Variants in ENTREP2 observed in about 807,000 individuals in gnomAD.
ENTREP2 encodes the protein protein ENTREP2.
chr15:29,269,355 C>A, the ENTREP2 span: 1 of 1,614,176 alleles, frequency 6.2e-7, no homozygotes. Context: ...CCTTGTAGTC[C>A]CCGATGACGT....
the ENTREP2 span, among the ~76,000 whole-genome samples, chr15:29,213,855 C>T: frequency 1.3e-5 from 2 of 152,132 alleles, no homozygotes; most frequent in Admixed American, 1.3e-4. Context: ...AAGAAAAAAA[C>T]AACCCTATCT....
the ENTREP2 span, among the ~76,000 whole-genome samples, chr15:29,615,130 C>T: frequency 6.6e-6 from 1 of 151,810 alleles, no homozygotes. Context: ...CTTCTCCCAC[C>T]ACTCCTCTTC....
the ENTREP2 span, among the ~76,000 whole-genome samples, chr15:29,447,420 T>C: frequency 4.4e-4 from 67 of 152,330 alleles, no homozygotes; most frequent in East Asian, 0.011. Flanking sequence ...TCCCAGCTCC[T>C]GTGTGTCTGA....
At chr15:29,249,140 C>A in the ENTREP2 span, among the ~76,000 whole-genome samples, 44 of 152,106 alleles carry the variant, frequency 2.9e-4, no homozygotes, top group Middle Eastern at 3.4e-3. Context: ...GAAACCTTGT[C>A]TCTACTACAG....
the ENTREP2 span, among the ~76,000 whole-genome samples, chr15:29,223,586 T>C: frequency 4.8e-4 from 73 of 152,170 alleles, no homozygotes; most frequent in African/African-American, 4.8e-5. Flanking sequence ...AAATGAGCTA[T>C]AAATCCGAGA....
the ENTREP2 span, among the ~76,000 whole-genome samples, chr15:29,322,521 A>G: frequency 6.6e-6 from 1 of 152,134 alleles, no homozygotes; most frequent in African/African-American, 2.4e-5. Context: ...CTAATTCACT[A>G]TGGCAAAGGG....
At chr15:29,542,699 T>A in the ENTREP2 span, among the ~76,000 whole-genome samples, 1 of 152,180 alleles carries the variant, frequency 6.6e-6, no homozygotes, top group Non-Finnish European at 1.5e-5. Flanking sequence ...GCTCTTTTTA[T>A]CATGCAAAAC....
the ENTREP2 span, among the ~76,000 whole-genome samples, chr15:29,410,959 T>A: frequency 2.6e-5 from 4 of 152,264 alleles, no homozygotes; most frequent in African/African-American, 9.6e-5. Flanking sequence ...CTAATTTTTT[T>A]ATTTTTAGTA....
At chr15:29,397,087 C>G in the ENTREP2 span, among the ~76,000 whole-genome samples, 1 of 152,050 alleles carries the variant, frequency 6.6e-6, no homozygotes, top group Non-Finnish European at 1.5e-5. Context: ...AACTGCTCCT[C>G]AAAAAAATTT....
chr15:29,207,623 T>C, the ENTREP2 span, among the ~76,000 whole-genome samples: 1 of 152,144 alleles, frequency 6.6e-6, no homozygotes, highest in Non-Finnish European at 1.5e-5. Flanking sequence ...AGAGCGCTGA[T>C]TGGTGCATTT....
At chr15:29,357,578 C>T in the ENTREP2 span, among the ~76,000 whole-genome samples, 1,663 of 152,258 alleles carry the variant, frequency 0.011, 47 homozygotes, top group African/African-American at 0.038. Flanking sequence ...TGGCTCACGC[C>T]TGTAATCCCA....
At chr15:29,263,640 T>C in the ENTREP2 span, among the ~76,000 whole-genome samples, 1 of 152,236 alleles carries the variant, frequency 6.6e-6, no homozygotes, top group South Asian at 2.1e-4. Context: ...CGGTGCTGTA[T>C]TGCAAATGGC....
the ENTREP2 span, among the ~76,000 whole-genome samples, chr15:29,199,329 G>GA: frequency 6.6e-6 from 1 of 151,868 alleles, no homozygotes; most frequent in Non-Finnish European, 1.5e-5. Context: ...ACTAAGCCAA[G>GA]AAAAAAAGGG....
the ENTREP2 span, among the ~76,000 whole-genome samples, chr15:29,427,334 G>A: frequency 2.0e-5 from 3 of 152,114 alleles, no homozygotes; most frequent in African/African-American, 4.8e-5. Context: ...CCCAACCCCC[G>A]GAGTCCAACT....
At chr15:29,561,869 TC>T in the ENTREP2 span, among the ~76,000 whole-genome samples, 1 of 152,114 alleles carries the variant, frequency 6.6e-6, no homozygotes, top group African/African-American at 2.4e-5. Context: ...ATCTGAGACT[TC>T]CTTACACAAA....
the ENTREP2 span, among the ~76,000 whole-genome samples, chr15:29,305,311 G>C: frequency 6.6e-6 from 1 of 152,244 alleles, no homozygotes; most frequent in South Asian, 2.1e-4. Context: ...TTCTGAGTGA[G>C]ACTGGAAGAC....
chr15:29,570,397 G>T, the ENTREP2 span: 1 of 653,288 alleles, frequency 1.5e-6, no homozygotes, highest in Non-Finnish European at 2.1e-6. Flanking sequence ...CCCCGGCGTT[G>T]GCCGCCGGAA....
the ENTREP2 span, among the ~76,000 whole-genome samples, chr15:29,333,041 G>T: frequency 6.6e-6 from 1 of 151,970 alleles, no homozygotes; most frequent in African/African-American, 2.4e-5. Flanking sequence ...GAGCACATGG[G>T]GCTAGATAGG....
the ENTREP2 span, among the ~76,000 whole-genome samples, chr15:29,662,809 C>G: frequency 0.051 from 7,794 of 152,178 alleles, 582 homozygotes; most frequent in African/African-American, 0.17. Context: ...CAACCTCTGC[C>G]TCCTGGATTC....
Sources: gnomAD v4.1 joint callset for allele counts (sites outside exome capture counted in the v4.1 genomes callset) on GRCh38, gnomAD v4.1.1 for gene constraint, MANE v1.5 for transcripts, NCBI Gene and HGNC (gene_info 2026-07-23, HGNC 2026-07-21) for gene names.